The following UBASH3B variants were observed in gnomAD, a reference collection of about 807,000 sequenced individuals.
UBASH3B encodes the protein ubiquitin-associated and SH3 domain-containing protein B.
UBASH3B carries 37 observed loss-of-function variants against 83.4 expected under a neutral mutation model. The ratio of observed to expected loss-of-function variants is 0.44; its 90% CI spans 0.34 to 0.58. The LOEUF is 0.58. Ranked by LOEUF, UBASH3B falls within the 20% of genes least tolerant of loss-of-function variation. The pLI is 0.01. For synonymous variants in UBASH3B, 304 were observed against 318.3 expected (o/e 0.96, Z 0.48); for missense variants, 657 against 827.2 (o/e 0.79, Z 2.52).
At chr11:122,744,821 T>G (rs1224813138) in intron 1 of UBASH3B, among the ~76,000 whole-genome samples, 1 of 151,756 alleles carries the variant, frequency 6.6e-6, no homozygotes, top group Non-Finnish European at 1.5e-5. Context: ...TGTGATTATA[T>G]ATGTGTGTGG....
chr11:122,688,449 TTTG>T (rs1240161104), intron 1 of UBASH3B, among the ~76,000 whole-genome samples: 9,704 of 59,886 alleles, frequency 0.16, 431 homozygotes, highest in Middle Eastern at 0.23. Flanking sequence ...TTGTGGTTTG[TTTG>T]TTTTTTTTTT....
At chr11:122,724,945 TTTTATTTA>T (rs1409466632) in intron 1 of UBASH3B, among the ~76,000 whole-genome samples, 4 of 151,994 alleles carry the variant, frequency 2.6e-5, no homozygotes, top group Admixed American at 6.6e-5. Context: ...TTGTATGTTA[TTTTATTTA>T]TTTATTTATT....
At chr11:122,726,772 C>T (rs1467408273) in intron 1 of UBASH3B, among the ~76,000 whole-genome samples, 4 of 152,186 alleles carry the variant, frequency 2.6e-5, no homozygotes, top group African/African-American at 9.7e-5. Flanking sequence ...TCTAGCTAGT[C>T]CAGTTATTCC....
chr11:122,764,535 A>G (rs1860501445), intron 1 of UBASH3B, among the ~76,000 whole-genome samples: 1 of 152,224 alleles, frequency 6.6e-6, no homozygotes, highest in South Asian at 2.1e-4. Context: ...CTGAAATACC[A>G]CTGCTTCCCC....
Position 122,779,633 on chromosome 11 carries a change from A to G in UBASH3B, c.539A>G (p.Asp180Gly). ...TTCATCGGCCTCTTTGTAAAGGAAGACAGTGCGGAGGTCCTCAAGAAGTTT... is the reference window on the plus strand; with the variant it reads ...TTCATCGGCCTCTTTGTAAAGGAAGGCAGTGCGGAGGTCCTCAAGAAGTTT... ...SNFIGLFVKEDSAEVLKKFAA... is the reference protein window; with the variant it reads ...SNFIGLFVKEGSAEVLKKFAA... Residue 180 changes from aspartate to glycine, a missense_variant, in exon 4 of 14, where the codon GAC becomes GGC. By Grantham distance (94) the Asp-to-Gly change is moderately conservative. This residue lies in a region of UBASH3B where 573 missense variants were observed against 739.0 expected (regional missense o/e 0.78). Coordinates refer to ENST00000284273, the MANE Select transcript of UBASH3B (RefSeq NM_032873.5). The G allele has an allele frequency of 6.2e-7, 1 of 1,614,212 alleles. No individual in the cohort carries two copies. Among genetic ancestry groups the G allele is most frequent in the Non-Finnish European group, 8.5e-7 (1 of 1,180,042 alleles).
At chr11:122,657,284 G>A (rs914476781) in intron 1 of UBASH3B, among the ~76,000 whole-genome samples, 2 of 151,798 alleles carry the variant, frequency 1.3e-5, no homozygotes, top group Non-Finnish European at 2.9e-5. Context: ...TTTTTTTCAG[G>A]TGATAACTTT....
intron 1 of UBASH3B, among the ~76,000 whole-genome samples, chr11:122,733,193 C>T (rs1355227551): frequency 6.6e-6 from 1 of 152,218 alleles, no homozygotes; most frequent in Non-Finnish European, 1.5e-5. Context: ...ATGTTTCCCT[C>T]CTTTGCTGTG....
intron 5 of UBASH3B, among the ~76,000 whole-genome samples, chr11:122,788,388 G>A (rs534014073): frequency 8.2e-4 from 125 of 152,228 alleles, no homozygotes; most frequent in African/African-American, 2.7e-3. Flanking sequence ...GGCCAACATG[G>A]TGAAACCCTG....
At chr11:122,767,492 T>C (rs1301060844) in intron 1 of UBASH3B, among the ~76,000 whole-genome samples, 1 of 152,038 alleles carries the variant, frequency 6.6e-6, no homozygotes. Flanking sequence ...TGTATTTTTT[T>C]AGTAGAGACG....
intron 1 of UBASH3B, chr11:122,774,088 G>T: frequency 1.0e-6 from 1 of 985,214 alleles, no homozygotes. Context: ...TGTGGCCTCT[G>T]ATTGTCTAGT....
intron 1 of UBASH3B, among the ~76,000 whole-genome samples, chr11:122,736,829 C>T (rs189950622): frequency 0.017 from 2,607 of 152,058 alleles, 35 homozygotes; most frequent in Non-Finnish European, 0.025. Context: ...GAGAGAGGAT[C>T]GCTTGAGCCC....
At chr11:122,697,650 ATCT>A (rs1863980016) in intron 1 of UBASH3B, among the ~76,000 whole-genome samples, 1 of 152,074 alleles carries the variant, frequency 6.6e-6, no homozygotes, top group Non-Finnish European at 1.5e-5. Context: ...ACTTGTTTCC[ATCT>A]TCTTGTCCAA....
rs770730831 is a variant in UBASH3B at position 122,808,054 on chromosome 11, C to G, written c.1703-13C>G. The G allele has an allele frequency of 1.2e-6, 2 of 1,608,028 alleles. No individual in the cohort carries two copies. Among genetic ancestry groups the G allele is most frequent in the African/African-American group, 2.7e-5 (2 of 74,768 alleles). On this transcript the variant is annotated splice_polypyrimidine_tract_variant and intron_variant, in intron 12 of 13. Coordinates refer to ENST00000284273, the MANE Select transcript of UBASH3B (RefSeq NM_032873.5). The stretch of plus-strand genomic sequence containing the variant: ...TAGAAACAGTCTTCCCATACCTTGC[C>G]ATTTTCCCCCAGGAAATAACATCCT...
chr11:122,795,509 G>A (rs60530426), intron 7 of UBASH3B, among the ~76,000 whole-genome samples: 32 of 152,300 alleles, frequency 2.1e-4, no homozygotes, highest in African/African-American at 4.8e-4. Context: ...CAGCTGTAAG[G>A]TTCCATCCAG....
chr11:122,746,635 G>A (rs1861122618), intron 1 of UBASH3B, among the ~76,000 whole-genome samples: 1 of 152,224 alleles, frequency 6.6e-6, no homozygotes, highest in African/African-American at 2.4e-5. Context: ...AAGACTGGAA[G>A]GGCTAATAGA....
intron 7 of UBASH3B, among the ~76,000 whole-genome samples, chr11:122,795,269 G>C (rs1441689537): frequency 2.0e-5 from 3 of 152,194 alleles, no homozygotes; most frequent in Non-Finnish European, 2.9e-5. Flanking sequence ...TTGTTGAACA[G>C]TACAAATAGA....
At chr11:122,784,408 C>T (rs1432127177) in intron 5 of UBASH3B, among the ~76,000 whole-genome samples, 1 of 152,076 alleles carries the variant, frequency 6.6e-6, no homozygotes, top group Non-Finnish European at 1.5e-5. Flanking sequence ...ACCTATGATC[C>T]CAGCACTTTG....
intron 1 of UBASH3B, among the ~76,000 whole-genome samples, chr11:122,740,837 T>A (rs1861012062): frequency 6.6e-6 from 1 of 152,214 alleles, no homozygotes; most frequent in Non-Finnish European, 1.5e-5. Context: ...GTTCATTTTT[T>A]ATAAAAATTC....
chr11:122,692,423 C>CA (rs957221389), intron 1 of UBASH3B, among the ~76,000 whole-genome samples: 2 of 152,012 alleles, frequency 1.3e-5, no homozygotes, highest in Non-Finnish European at 2.9e-5. Flanking sequence ...CTTGGGGACA[C>CA]AAAAACAAGA....
Sources: allele counts gnomAD v4.1 joint callset (sites outside exome capture counted in the v4.1 genomes callset), GRCh38; gene constraint gnomAD v4.1.1; regional missense constraint gnomAD v4.1.1; transcripts MANE v1.5; gene names NCBI Gene and HGNC (gene_info 2026-07-23, HGNC 2026-07-21).